Variants in SYN3 observed in about 807,000 individuals in gnomAD.
SYN3 encodes synapsin III, also known as synapsin-3.
SYN3 carries 35 observed loss-of-function variants against 65.8 expected under a neutral mutation model. That is an observed-to-expected ratio of 0.53 (90% CI 0.41 to 0.70). The LOEUF (loss-of-function observed/expected upper bound fraction) is 0.70, where lower values mean the gene tolerates loss of function less well. Among genes scored for constraint, SYN3 ranks in the 30% least tolerant of loss-of-function variants. The pLI is 0.00. For synonymous variants in SYN3, 270 were observed against 292.9 expected, an observed-to-expected ratio of 0.92 and a Z score of 0.80; for missense variants, 680 against 749.0, an observed-to-expected ratio of 0.91 and a Z score of 1.08.
intron 4 of SYN3, among the ~76,000 whole-genome samples, chr22:32,910,166 A>T (rs1436312283): frequency 6.6e-6 from 1 of 152,224 alleles, no homozygotes; most frequent in African/African-American, 2.4e-5. Context: ...CGTTTATTTT[A>T]AAATGAATGG....
intron 4 of SYN3, among the ~76,000 whole-genome samples, chr22:32,928,329 CA>C (rs927075609): frequency 8.4e-5 from 12 of 142,576 alleles, no homozygotes; most frequent in Non-Finnish European, 1.2e-4. Context: ...GACTCCGTCT[CA>C]AAAAAAAAAG....
At chr22:32,666,393 A>G (rs1384779921) in intron 6 of SYN3, among the ~76,000 whole-genome samples, 1 of 152,054 alleles carries the variant, frequency 6.6e-6, no homozygotes, top group African/African-American at 2.4e-5. Flanking sequence ...CCAGGGCCTT[A>G]GGACTTCAGC....
chr22:32,583,210 T>C (rs984324698), intron 7 of SYN3: 3 of 152,258 alleles, frequency 2.0e-5, no homozygotes, highest in Non-Finnish European at 2.9e-5. Flanking sequence ...ACAAACCCAT[T>C]GTCTGCATCA....
At chr22:32,793,946 A>G (rs2046374476) in intron 6 of SYN3, among the ~76,000 whole-genome samples, 1 of 152,220 alleles carries the variant, frequency 6.6e-6, no homozygotes, top group African/African-American at 2.4e-5. Flanking sequence ...TAAAATGTAG[A>G]AGCCAAATGA....
At chr22:32,738,585 A>C (rs546832747) in intron 6 of SYN3, among the ~76,000 whole-genome samples, 1 of 152,330 alleles carries the variant, frequency 6.6e-6, no homozygotes, top group Non-Finnish European at 1.5e-5. Context: ...TAGGAATGAC[A>C]TCCTGGGCTC....
chr22:32,616,245 C>T (rs1006565896), intron 6 of SYN3, among the ~76,000 whole-genome samples: 1 of 152,070 alleles, frequency 6.6e-6, no homozygotes, highest in Non-Finnish European at 1.5e-5. Context: ...CTCGAGGTGG[C>T]GAGCTGGTCC....
At chr22:32,943,168 A>C (rs2050993510) in intron 3 of SYN3, among the ~76,000 whole-genome samples, 1 of 152,222 alleles carries the variant, frequency 6.6e-6, no homozygotes, top group Non-Finnish European at 1.5e-5. Flanking sequence ...GTTGAAATGA[A>C]GGAAAAAATG....
chr22:32,682,481 T>A (rs924838814), intron 6 of SYN3, among the ~76,000 whole-genome samples: 8 of 151,978 alleles, frequency 5.3e-5, no homozygotes, highest in Non-Finnish European at 1.0e-4. Flanking sequence ...CACCCAGGAA[T>A]TAGATGTAGG....
At chr22:33,029,094 C>T (rs1017221514) in intron 1 of SYN3, among the ~76,000 whole-genome samples, 1 of 151,126 alleles carries the variant, frequency 6.6e-6, no homozygotes, top group Non-Finnish European at 1.5e-5. Flanking sequence ...ATCCCCAACT[C>T]TCACGACAAC....
At chr22:32,797,593 G>C (rs563465346) in intron 6 of SYN3, among the ~76,000 whole-genome samples, 2 of 152,192 alleles carry the variant, frequency 1.3e-5, no homozygotes, top group East Asian at 3.9e-4. Context: ...GCAGGTGAAC[G>C]CATAACTACA....
intron 6 of SYN3, among the ~76,000 whole-genome samples, chr22:32,744,535 C>T (rs1191772576): frequency 6.6e-6 from 1 of 152,214 alleles, no homozygotes; most frequent in Non-Finnish European, 1.5e-5. Flanking sequence ...ATTTAATCTT[C>T]AGAACCCAAT....
chr22:32,516,869 G>A (rs2057787781), intron 13 of SYN3, among the ~76,000 whole-genome samples: 1 of 152,086 alleles, frequency 6.6e-6, no homozygotes, highest in Non-Finnish European at 1.5e-5. Context: ...TCCTAAGCTT[G>A]TGAGAACTTA....
chr22:32,526,762 GC>G (rs1232937062), intron 12 of SYN3, among the ~76,000 whole-genome samples: 1 of 152,024 alleles, frequency 6.6e-6, no homozygotes, highest in Non-Finnish European at 1.5e-5. Context: ...CTCGTGATCC[GC>G]CCGCCTCGGC....
chr22:32,761,882 A>G (rs904122410), intron 6 of SYN3, among the ~76,000 whole-genome samples: 2 of 152,116 alleles, frequency 1.3e-5, no homozygotes, highest in African/African-American at 4.8e-5. Flanking sequence ...AAATAACTGC[A>G]CCCGGAGATT....
Position 32,548,766 on chromosome 22 carries a change from C to T in SYN3, c.775-7053G>A, listed in dbSNP as rs114170340. Among the ~76,000 whole-genome samples, 905 of 152,214 alleles carry T rather than the reference C, an allele frequency of 5.9e-3. 13 individuals are homozygous for T. Among genetic ancestry groups the T allele is most frequent in the African/African-American group, 0.021 (870 of 41,526 alleles). ...TACAACATGAGACGTAATTAAAAGCCGGATGATAGTAATTCCACTATTAAA... is the reference window on the plus strand; with the variant it reads ...TACAACATGAGACGTAATTAAAAGCTGGATGATAGTAATTCCACTATTAAA... On this transcript the variant is annotated intron_variant, in intron 7 of 13. Coordinates refer to ENST00000358763, the MANE Select transcript of SYN3 (RefSeq NM_003490.4).
chr22:32,681,873 C>A (rs994701509), intron 6 of SYN3, among the ~76,000 whole-genome samples: 19 of 152,268 alleles, frequency 1.2e-4, no homozygotes, highest in South Asian at 1.0e-3. Context: ...ATGAAATGAA[C>A]TGCAGGGCAA....
intron 7 of SYN3, among the ~76,000 whole-genome samples, chr22:32,595,182 C>G (rs1482056365): frequency 1.3e-5 from 2 of 152,104 alleles, no homozygotes; most frequent in Non-Finnish European, 2.9e-5. Flanking sequence ...GTACATTGAT[C>G]CAAGCAAGGT....
At chr22:32,521,474 T>C (rs1461868016) in intron 12 of SYN3, among the ~76,000 whole-genome samples, 1 of 144,128 alleles carries the variant, frequency 6.9e-6, no homozygotes, top group Non-Finnish European at 1.5e-5. Flanking sequence ...AGACGGAGTC[T>C]TGCACTATTA....
intron 6 of SYN3, among the ~76,000 whole-genome samples, chr22:32,812,799 G>A (rs1277378833): frequency 6.6e-6 from 1 of 152,224 alleles, no homozygotes; most frequent in Non-Finnish European, 1.5e-5. Flanking sequence ...GCCCCATTGG[G>A]CAGTCACTAT....
Sources: allele counts gnomAD v4.1 joint callset (sites outside exome capture counted in the v4.1 genomes callset), GRCh38; gene constraint gnomAD v4.1.1; transcripts MANE v1.5; gene names NCBI Gene and HGNC (gene_info 2026-07-23, HGNC 2026-07-21).